The following NREP variants were observed in gnomAD, a reference collection of about 807,000 sequenced individuals.
The protein encoded by NREP is neuronal regeneration related protein.
Under a neutral mutation model 8.6 loss-of-function variants are expected in NREP, and 5 were observed. The ratio of observed to expected loss-of-function variants is 0.58; its 90% confidence interval spans 0.30 to 1.22. The LOEUF is 1.22. Among genes scored for constraint, NREP ranks in the 50% most tolerant of loss-of-function variants. The pLI is 0.07. For missense variants in NREP, 86 were observed against 82.5 expected (o/e 1.04, Z -0.17); for synonymous variants, 27 against 28.0 (o/e 0.96, Z 0.11).
chr5:111,896,432 G>T (rs1754513073), intron 2 of NREP, among the ~76,000 whole-genome samples: 1 of 152,182 alleles, frequency 6.6e-6, no homozygotes, highest in South Asian at 2.1e-4. Context: ...AAATGAAGTT[G>T]TCTAGCAGGT....
At chr5:111,927,452 T>A (rs1476370656) in intron 2 of NREP, among the ~76,000 whole-genome samples, 2 of 151,942 alleles carry the variant, frequency 1.3e-5, no homozygotes, top group African/African-American at 4.8e-5. Context: ...AAGCGCTCTG[T>A]GGAAATGGGA....
chr5:111,820,418 C>A (rs1191490042), intron 2 of NREP, among the ~76,000 whole-genome samples: 1 of 152,076 alleles, frequency 6.6e-6, no homozygotes, highest in Non-Finnish European at 1.5e-5. Flanking sequence ...GGCAAATTTA[C>A]AAATATGAAA....
chr5:111,848,416 A>G lies in NREP; in HGVS notation c.136-112909T>C, dbSNP rs191329632. Among the ~76,000 whole-genome samples, 4 of 148,334 alleles carry G rather than the reference A, an allele frequency of 2.7e-5. No homozygotes were observed. In the East Asian group the frequency reaches 8.0e-4, roughly 30 times the overall value. ...CTCACAGGATGCTTTTGACACTTTC[A>G]TTTGCCTACATGGAGAGTTTTTTTC... On this transcript the variant is annotated intron_variant, in intron 2 of 3. Transcript: ENST00000395634.
At chr5:111,780,962 T>G (rs920882423) in intron 2 of NREP, among the ~76,000 whole-genome samples, 5 of 152,150 alleles carry the variant, frequency 3.3e-5, no homozygotes, top group African/African-American at 1.2e-4. Flanking sequence ...ACTTGTGTCA[T>G]AGGGGTTTGT....
intron 2 of NREP, among the ~76,000 whole-genome samples, chr5:111,804,046 T>C (rs1394753331): frequency 2.0e-5 from 3 of 152,160 alleles, no homozygotes; most frequent in African/African-American, 7.2e-5. Flanking sequence ...TGCATGGAAC[T>C]CTTTCTGGAG....
At chr5:111,757,472 A>T (rs1750799680), upstream of NREP, 1 of 985,146 alleles carries the variant, frequency 1.0e-6, no homozygotes, top group Non-Finnish European at 1.2e-6. Flanking sequence ...GGTGCTAGTG[A>T]ACAATGAGCT....
chr5:111,922,731 C>T (rs1375455568), intron 2 of NREP, among the ~76,000 whole-genome samples: 1 of 152,190 alleles, frequency 6.6e-6, no homozygotes, highest in Non-Finnish European at 1.5e-5. Context: ...AAGGACCTTA[C>T]ACTGGTTGGA....
chr5:111,814,485 T>C (rs867651183), intron 2 of NREP, among the ~76,000 whole-genome samples: 2 of 152,066 alleles, frequency 1.3e-5, no homozygotes, highest in Non-Finnish European at 2.9e-5. Context: ...TCCGTAACTT[T>C]CTTTTTGCTT....
chr5:111,885,747 G>A (rs1402869371), intron 2 of NREP, among the ~76,000 whole-genome samples: 1 of 152,168 alleles, frequency 6.6e-6, no homozygotes, highest in African/African-American at 2.4e-5. Context: ...AATAAATGGT[G>A]CTGGGAAAAC....
intron 2 of NREP, among the ~76,000 whole-genome samples, chr5:111,832,666 C>G (rs1200297587): frequency 2.0e-5 from 3 of 152,114 alleles, no homozygotes; most frequent in African/African-American, 7.2e-5. Context: ...TGGTTCTGAC[C>G]CCAATACAGT....
intron 2 of NREP, 186 bp downstream of exon 2, chr5:111,755,584 T>G: frequency 1.6e-6 from 1 of 641,882 alleles, no homozygotes; most frequent in Non-Finnish European, 2.8e-6. Context: ...AGAACTAATT[T>G]GCCACATCCA....
intron 2 of NREP, among the ~76,000 whole-genome samples, chr5:111,916,900 A>C (rs1322356847): frequency 6.6e-6 from 1 of 152,088 alleles, no homozygotes; most frequent in Non-Finnish European, 1.5e-5. Flanking sequence ...GCAGATAAAG[A>C]GACAGAGGCA....
At chr5:111,748,870 C>T (rs975200151) in intron 2 of NREP, among the ~76,000 whole-genome samples, 2 of 152,118 alleles carry the variant, frequency 1.3e-5, no homozygotes, top group Non-Finnish European at 2.9e-5. Context: ...GGTAGAAAAA[C>T]ATGCAGAAAT....
intron 2 of NREP, among the ~76,000 whole-genome samples, chr5:111,882,585 G>A (rs1206029440): frequency 2.0e-5 from 3 of 152,188 alleles, no homozygotes; most frequent in Non-Finnish European, 2.9e-5. Flanking sequence ...AGAGAGAAAG[G>A]CTGGGTTACC....
intron 2 of NREP, among the ~76,000 whole-genome samples, chr5:111,806,402 T>G (rs1752141637): frequency 6.6e-6 from 1 of 152,168 alleles, no homozygotes; most frequent in Admixed American, 6.5e-5. Flanking sequence ...TCTTCATCCT[T>G]TCATCTCTGC....
chr5:111,737,895 G>A (rs1422857133), intron 2 of NREP, among the ~76,000 whole-genome samples: 2 of 151,830 alleles, frequency 1.3e-5, no homozygotes, highest in African/African-American at 2.4e-5. Context: ...TAGCACATTA[G>A]GCATTTTTTA....
intron 2 of NREP, among the ~76,000 whole-genome samples, chr5:111,841,730 G>A (rs1040585817): frequency 1.3e-5 from 2 of 152,046 alleles, no homozygotes; most frequent in African/African-American, 4.8e-5. Context: ...CTTAGTGGGA[G>A]GCCTTAGAGT....
rs78384207 is a variant in NREP, at chr5:111,815,356, C to A, written c.136-79849G>T. Among the ~76,000 whole-genome samples, 3,068 of 152,246 alleles carry A rather than the reference C, an allele frequency of 0.02. 196 individuals are homozygous for A. The East Asian group carries it at 0.24, about 12-fold the overall frequency. On this transcript the variant is annotated intron_variant, in intron 2 of 3. Transcript: ENST00000395634. Reference sequence around the variant, plus strand: ...TGGATTGAAATGATCCTCTTTTACTCTAATTTCTCTCTAGAAGAAAAGTGA... The same window carrying A: ...TGGATTGAAATGATCCTCTTTTACTATAATTTCTCTCTAGAAGAAAAGTGA...
intron 2 of NREP, among the ~76,000 whole-genome samples, chr5:111,776,920 C>T (rs1751374692): frequency 6.7e-6 from 1 of 149,264 alleles, no homozygotes. Context: ...AAGATTGGTG[C>T]ACTATATACA....
Sources: gnomAD v4.1 joint callset for allele counts (sites outside exome capture counted in the v4.1 genomes callset) on GRCh38, gnomAD v4.1.1 for gene constraint, MANE v1.5 for transcripts, NCBI Gene and HGNC (gene_info 2026-07-23, HGNC 2026-07-21) for gene names.